Variants in PRKN observed in about 807,000 individuals in gnomAD.
The protein encoded by PRKN is E3 ubiquitin-protein ligase parkin.
A neutral mutation model predicts 59.5 loss-of-function variants in PRKN; 56 were observed. The observed-to-expected ratio is 0.94, with a 90% CI of 0.76 to 1.18. The LOEUF is 1.18. Among genes scored for constraint, PRKN ranks in the 50% most tolerant of loss-of-function variants. The probability of loss-of-function intolerance (pLI) is 0.00; values close to 1 mark genes in which losing one functional copy is unlikely to be tolerated. For synonymous variants in PRKN, 250 were observed against 222.1 expected, an observed-to-expected ratio of 1.13 and a Z score of -1.12; for missense variants, 657 against 596.4, an observed-to-expected ratio of 1.10 and a Z score of -1.06.
intron 1 of PRKN, among the ~76,000 whole-genome samples, chr6:162,646,196 T>C (rs1319190169): frequency 6.6e-6 from 1 of 151,860 alleles, no homozygotes; most frequent in African/African-American, 2.4e-5. Context: ...CAGATTCCAG[T>C]TTTCCCAGGT....
At chr6:162,239,024 C>G (rs1161760098) in intron 3 of PRKN, among the ~76,000 whole-genome samples, 3 of 152,104 alleles carry the variant, frequency 2.0e-5, no homozygotes, top group Non-Finnish European at 4.4e-5. Context: ...AAGTATCCAA[C>G]AAATGACCAG....
chr6:162,565,697 A>AATACATACATACATAC (rs55883841), intron 1 of PRKN, among the ~76,000 whole-genome samples: 9 of 148,790 alleles, frequency 6.0e-5, no homozygotes, highest in South Asian at 2.2e-4. Flanking sequence ...TCTCAAAATA[A>AATACATACATACATAC]ATACATACAT....
rs988726650 is a variant in PRKN, at chr6:161,502,542, T to A, written c.1083+46312A>T. Reference sequence around the variant, plus strand: ...CCATTCCCACATTTAAAAAATGGGATAATGTGAGCTGTCATTTATGTGCAT... The same window carrying A: ...CCATTCCCACATTTAAAAAATGGGAAAATGTGAGCTGTCATTTATGTGCAT... On this transcript the variant is annotated intron_variant, in intron 9 of 11. Coordinates refer to ENST00000366898, the MANE Select transcript of PRKN (RefSeq NM_004562.3). The surrounding 1 kb of genome is among the most constrained non-coding windows in gnomAD (Gnocchi z 4.0). 1.1e-4 allele frequency among the ~76,000 whole-genome samples: 17 copies of A among 152,140 alleles called. No homozygotes were observed. Among genetic ancestry groups the A allele is most frequent in the African/African-American group, 4.1e-4 (17 of 41,436 alleles).
At chr6:161,874,057 T>TATATAA (rs1562353652) in intron 6 of PRKN, among the ~76,000 whole-genome samples, 35 of 36,258 alleles carry the variant, frequency 9.7e-4, no homozygotes, top group African/African-American at 3.0e-3. Flanking sequence ...ATGTAAAATA[T>TATATAA]AATATATAAT....
chr6:161,609,381 T>A lies in PRKN; in HGVS notation c.872-39965A>T, dbSNP rs114749446. On this transcript the variant is annotated intron_variant, in intron 7 of 11. Transcript: ENST00000366898. ...TCAGAGTTCATTAACAGTGTTTTTT[T>A]ATTTTTTCTTGATGATGAAGAAAAT... Among the ~76,000 whole-genome samples, 676 of 152,316 alleles carry A rather than the reference T, an allele frequency of 4.4e-3. 6 individuals carry two copies. Among genetic ancestry groups the A allele is most frequent in the African/African-American group, 0.016 (647 of 41,578 alleles).
intron 6 of PRKN, among the ~76,000 whole-genome samples, chr6:161,969,265 TTTG>T (rs1192072206): frequency 7.5e-6 from 1 of 133,032 alleles, no homozygotes; most frequent in Non-Finnish European, 1.6e-5. Context: ...TTCAGTCTTA[TTTG>T]TTTTTTTTTT....
chr6:161,596,527 C>G (rs1475640081), intron 7 of PRKN, among the ~76,000 whole-genome samples: 4 of 152,154 alleles, frequency 2.6e-5, no homozygotes, highest in Non-Finnish European at 5.9e-5. Context: ...CTCAACTTGT[C>G]TCCCACTTCT....
At chr6:162,295,840 A>G (rs115269896) in intron 2 of PRKN, among the ~76,000 whole-genome samples, 4,246 of 152,272 alleles carry the variant, frequency 0.028, 183 homozygotes, top group African/African-American at 0.092. Flanking sequence ...TCTGAAATTC[A>G]GGAGATGCCC....
intron 1 of PRKN, among the ~76,000 whole-genome samples, chr6:162,638,640 T>C (rs1014692689): frequency 6.6e-6 from 1 of 152,152 alleles, no homozygotes; most frequent in African/African-American, 2.4e-5. Flanking sequence ...AGGACTGTCA[T>C]TCTTCCATAA....
In PRKN at chr6:162,458,377, G is replaced by C. The variant is rs1039143294; in HGVS notation, c.8-14904C>G. 3.4e-5 allele frequency among the ~76,000 whole-genome samples: 5 copies of C among 146,462 alleles called. No homozygotes were observed. The Admixed American group carries it at 3.5e-4, about 10-fold the overall frequency. On this transcript the variant is annotated intron_variant, in intron 1 of 11. Transcript: ENST00000366898. ...GGAAGCAGAGGTTGCAGTAAGCCAA[G>C]ATCGCACCACTGCACTCCAGTCTGG...
chr6:161,746,627 CATATATGT>C (rs915346154), intron 7 of PRKN, among the ~76,000 whole-genome samples: 7 of 143,184 alleles, frequency 4.9e-5, no homozygotes, highest in Non-Finnish European at 7.5e-5. Flanking sequence ...GATATATACA[CATATATGT>C]ATATATGTAT....
At chr6:162,296,055 G>A (rs888106811) in intron 2 of PRKN, among the ~76,000 whole-genome samples, 3 of 152,004 alleles carry the variant, frequency 2.0e-5, no homozygotes, top group African/African-American at 7.3e-5. Flanking sequence ...TTTGTATCTG[G>A]GATTTGTTCA....
chr6:162,293,609 C>G (rs527362115), intron 2 of PRKN, among the ~76,000 whole-genome samples: 4 of 152,150 alleles, frequency 2.6e-5, no homozygotes, highest in African/African-American at 9.7e-5. Flanking sequence ...CCACCTCAAG[C>G]CCGGTGGAAG....
At chr6:162,138,967 G>A (rs1488910495) in intron 4 of PRKN, among the ~76,000 whole-genome samples, 1 of 152,166 alleles carries the variant, frequency 6.6e-6, no homozygotes, top group African/African-American at 2.4e-5. Context: ...ATAAAGCAAA[G>A]CTTGAGAATT....
intron 4 of PRKN, among the ~76,000 whole-genome samples, chr6:162,085,427 T>C (rs1466019369): frequency 6.6e-6 from 1 of 152,116 alleles, no homozygotes; most frequent in Non-Finnish European, 1.5e-5. Context: ...TTGAAATGAT[T>C]TTCATGCATC....
rs1216536859 is a variant in PRKN at position 162,153,896 on chromosome 6, A to C, written c.534+47235T>G. 2.9e-5 allele frequency among the ~76,000 whole-genome samples: 4 copies of C among 140,290 alleles called. No individual in the cohort carries two copies. The Admixed American group carries it at 3.0e-4, about 10-fold the overall frequency. The allele number at this position is 140,290 out of a possible 152,430, so 92.0% of individuals were successfully genotyped here. A position where few individuals can be genotyped will look rare whatever the true frequency, so the allele number is the denominator to read the frequency against. On this transcript the variant is annotated intron_variant, in intron 4 of 11. Transcript: ENST00000366898. ...CAGGATGGGGGTGAGGCGAGCCATA[A>C]GTAGTTTGGAAAGGGCAGCATTCAA... is the stretch of plus-strand genomic sequence containing the variant.
At position 162,345,880 on chromosome 6, in the gene PRKN, T is replaced by G. The variant is rs538485072; in HGVS notation, c.172-83115A>C. ...ATATGTTGGAAACTTAATCCCCAAA[T>G]TCGTATGTTGATGGTATTTGGAGGT... is the stretch of plus-strand genomic sequence containing the variant. On this transcript the variant is annotated intron_variant, in intron 2 of 11. Coordinates refer to ENST00000366898, the MANE Select transcript of PRKN (RefSeq NM_004562.3). Among the ~76,000 whole-genome samples, 12 of 152,274 alleles carry G rather than the reference T, an allele frequency of 7.9e-5. No individual in the cohort carries two copies. The South Asian group carries it at 1.9e-3, about 24-fold the overall frequency.
At chr6:162,455,339 G>C (rs4709615) in intron 1 of PRKN, among the ~76,000 whole-genome samples, 36,804 of 152,010 alleles carry the variant, frequency 0.24, 4,492 homozygotes, top group African/African-American at 0.28. Flanking sequence ...TGCATCCTTA[G>C]GCAATTTCAT....
At chr6:161,392,787 T>C (rs541042633) in intron 9 of PRKN, among the ~76,000 whole-genome samples, 1 of 152,192 alleles carries the variant, frequency 6.6e-6, no homozygotes. Flanking sequence ...AAAAAAGATT[T>C]AATAGAGGCT....
Sources: gnomAD v4.1 joint callset for allele counts (sites outside exome capture counted in the v4.1 genomes callset) on GRCh38, gnomAD v4.1.1 for gene constraint, Gnocchi (gnomAD v3.1) non-coding constraint, MANE v1.5 for transcripts, NCBI Gene and HGNC (gene_info 2026-07-23, HGNC 2026-07-21) for gene names.